PIEZO1: variants seen among roughly 807,000 people sequenced by gnomAD.
PIEZO1 encodes the protein piezo-type mechanosensitive ion channel component 1.
PIEZO1 carries 296 observed loss-of-function variants against 297.2 expected under a neutral mutation model. That is an observed-to-expected ratio of 1.00 (90% CI 0.91 to 1.10). The LOEUF (loss-of-function observed/expected upper bound fraction) is 1.10. PIEZO1 is among the 50% of genes least tolerant of loss of function. The pLI is 0.00. For missense variants in PIEZO1, 5,018 were observed against 3,455.5 expected, an observed-to-expected ratio of 1.45 and a Z score of -11.34; for synonymous variants, 2,427 against 1,507.5, an observed-to-expected ratio of 1.61 and a Z score of -14.13.
intron 5 of PIEZO1, chr16:88,740,184 A>G (rs890533837): frequency 2.6e-5 from 4 of 152,214 alleles, no homozygotes; most frequent in African/African-American, 7.2e-5. Flanking sequence ...TGTGTTGCCC[A>G]TATGTGGGAG....
chr16:88,769,900 T>C (rs1907344950), intron 1 of PIEZO1, among the ~76,000 whole-genome samples: 1 of 152,126 alleles, frequency 6.6e-6, no homozygotes, highest in African/African-American at 2.4e-5. Flanking sequence ...GGGCGGAGTG[T>C]GGTTAACAGA....
At chr16:88,746,668 A>G (rs1292521734) in intron 2 of PIEZO1, among the ~76,000 whole-genome samples, 1 of 152,124 alleles carries the variant, frequency 6.6e-6, no homozygotes, top group Non-Finnish European at 1.5e-5. Context: ...CCCTCCCGGA[A>G]AACTGGGCAG....
chr16:88,737,696 A>T (rs911568960), intron 9 of PIEZO1, 32 bp downstream of exon 9: 4 of 1,533,630 alleles, frequency 2.6e-6, no homozygotes, highest in African/African-American at 1.4e-5. Flanking sequence ...GGCGCCCCCC[A>T]CGCTGGCGTC....
intron 1 of PIEZO1, among the ~76,000 whole-genome samples, chr16:88,759,195 G>C (rs1368415699): frequency 6.6e-6 from 1 of 152,252 alleles, no homozygotes; most frequent in East Asian, 1.9e-4. Flanking sequence ...AAGCTGGGAA[G>C]GACATCAGTC....
intron 2 of PIEZO1, chr16:88,742,733 A>C: frequency 5.1e-6 from 2 of 394,244 alleles, no homozygotes; most frequent in South Asian, 2.4e-5. Flanking sequence ...CATCCAGCAA[A>C]TACCTGTCAC....
At chr16:88,776,620 C>T (rs370286854) in intron 1 of PIEZO1, among the ~76,000 whole-genome samples, 2 of 152,128 alleles carry the variant, frequency 1.3e-5, no homozygotes, top group Non-Finnish European at 2.9e-5. Context: ...GGCGAAGCCA[C>T]GGGAGGTTAG....
At chr16:88,780,441 C>A (rs9932423) in intron 1 of PIEZO1, among the ~76,000 whole-genome samples, 48,340 of 151,996 alleles carry the variant, frequency 0.32, 7,831 homozygotes, top group Admixed American at 0.39. Flanking sequence ...CTCAGGCCTC[C>A]AGGCAGGCTA....
intron 1 of PIEZO1, among the ~76,000 whole-genome samples, chr16:88,774,657 TGAA>T (rs1907577230): frequency 6.6e-6 from 1 of 152,018 alleles, no homozygotes; most frequent in Non-Finnish European, 1.5e-5. Flanking sequence ...GCTGGACCCA[TGAA>T]GAAGGGCCGA....
In PIEZO1 at chr16:88,721,340, CT is replaced by C. The variant is rs1377078852; in HGVS notation, c.5493del (p.Val1833CysfsTer88). On this transcript the variant is annotated frameshift_variant, in exon 39 of 51. Coordinates refer to ENST00000301015, the MANE Select transcript of PIEZO1 (RefSeq NM_001142864.4). LOFTEE classifies it high-confidence loss of function. Reference sequence around the variant, plus strand: ...TCTTCGGTGGTGGCCGCAGGCACCCCTGGCCCCTCCTCGGCTCCCTGCTCCT... The same window carrying C: ...TCTTCGGTGGTGGCCGCAGGCACCCCGGCCCCTCCTCGGCTCCCTGCTCCT... ...GEEEQGAEEG[P>X]GVPAATTEDH... 1.3e-6 allele frequency: 2 copies of C among 1,548,176 alleles called. No homozygotes were observed. Among genetic ancestry groups the C allele is most frequent in the South Asian group, 1.2e-5 (1 of 84,060 alleles).
intron 1 of PIEZO1, among the ~76,000 whole-genome samples, chr16:88,783,660 G>A (rs138402452): frequency 1.3e-5 from 2 of 152,308 alleles, no homozygotes; most frequent in African/African-American, 4.8e-5. Flanking sequence ...TGCACTGGGA[G>A]CAGGTCCCAG....
chr16:88,747,000 TC>T (rs1202922736), intron 2 of PIEZO1, among the ~76,000 whole-genome samples: 1 of 152,090 alleles, frequency 6.6e-6, no homozygotes, highest in Non-Finnish European at 1.5e-5. Flanking sequence ...CCCCAGCGAC[TC>T]CCAGCACTCG....
chr16:88,729,682 T>C (rs1904671991), intron 22 of PIEZO1, among the ~76,000 whole-genome samples: 1 of 140,972 alleles, frequency 7.1e-6, no homozygotes, highest in African/African-American at 2.8e-5. Context: ...CCCTCGATGC[T>C]GGGGAACCCA....
intron 1 of PIEZO1, among the ~76,000 whole-genome samples, chr16:88,774,370 G>A (rs1012222650): frequency 6.6e-6 from 1 of 152,228 alleles, no homozygotes. Flanking sequence ...CAGCTTGGGC[G>A]ACAGAGCGAG....
At chr16:88,731,121 T>G (rs1468825165) in intron 22 of PIEZO1, 1 of 156,086 alleles carries the variant, frequency 6.4e-6, no homozygotes, top group Non-Finnish European at 1.4e-5. Context: ...GCTACCGGCC[T>G]CCCTCCGGAA....
Position 88,715,973 on chromosome 16 carries a change from T to C in PIEZO1, c.7276A>G (p.Lys2426Glu), listed in dbSNP as rs573620875. 2 of 1,550,128 alleles carry C rather than the reference T, an allele frequency of 1.3e-6. No homozygotes were observed. The highest frequency in any genetic ancestry group is 1.4e-5 in the African/African-American group (1 of 73,142). ...AAGCCGAGGCTCGGTGGGCTGACCTTGTCACTGAAAATGACCATGGGCAGC... is the reference window on the plus strand; with the variant it reads ...AAGCCGAGGCTCGGTGGGCTGACCTCGTCACTGAAAATGACCATGGGCAGC... Reference protein sequence around the residue: ...NLLPMVIFSDKVSPPSLGFLA... With the variant: ...NLLPMVIFSDEVSPPSLGFLA... Residue 2426 changes from lysine (K) to glutamate (E), a missense_variant, in exon 50 of 51, where the codon AAG becomes GAG. Physicochemically the swap from Lys to Glu is moderately conservative, Grantham distance 56 (BLOSUM62 1). Transcript: ENST00000301015.
intron 44 of PIEZO1, chr16:88,718,335 T>C (rs996505712): frequency 3.3e-5 from 5 of 152,834 alleles, no homozygotes; most frequent in Non-Finnish European, 7.3e-5. Context: ...CAGCTCCTCA[T>C]GATGGAAACC....
rs148921440 is a variant in PIEZO1 at position 88,760,518 on chromosome 16, G to A, written c.65-11039C>T. On this transcript the variant is annotated intron_variant, in intron 1 of 50. Coordinates refer to ENST00000301015, the MANE Select transcript of PIEZO1 (RefSeq NM_001142864.4). ...CTTTGTCCAAAGGCAACAGTGGGAC[G>A]TGGCCACAGGGCAGGCAGCACCCAG... Among the ~76,000 whole-genome samples, 599 of 152,370 alleles carry A rather than the reference G, an allele frequency of 3.9e-3. 8 individuals are homozygous for A. The highest frequency in any genetic ancestry group is 0.014 in the African/African-American group (563 of 41,590).
At chr16:88,774,679 G>C (rs1907578023) in intron 1 of PIEZO1, among the ~76,000 whole-genome samples, 1 of 152,232 alleles carries the variant, frequency 6.6e-6, no homozygotes. Context: ...GACCAGACAA[G>C]GATGGGGCCC....
chr16:88,721,819 C>T lies in PIEZO1; in HGVS notation c.5203G>A (p.Val1735Ile), dbSNP rs1489558641. ...PSKRFWMTAI[V>I]FTEIAVVVKY... Reference sequence around the variant, plus strand: ...CGGCCTCGGCCCACCTCGGTGAAGACGATGGCCGTCATCCAGAAGCGCTTG... The same window carrying T: ...CGGCCTCGGCCCACCTCGGTGAAGATGATGGCCGTCATCCAGAAGCGCTTG... The change falls in exon 37 of 51, where the codon GTC becomes ATC. Residue 1735 changes from valine to isoleucine, a missense_variant. Coordinates refer to ENST00000301015, the MANE Select transcript of PIEZO1 (RefSeq NM_001142864.4). 1.0e-4 allele frequency: 160 copies of T among 1,546,042 alleles called. No homozygotes were observed. The highest frequency in any genetic ancestry group is 1.5e-4 in the African/African-American group (11 of 73,004).
Sources: allele counts gnomAD v4.1 joint callset (sites outside exome capture counted in the v4.1 genomes callset), GRCh38; gene constraint gnomAD v4.1.1; transcripts MANE v1.5; gene names NCBI Gene and HGNC (gene_info 2026-07-23, HGNC 2026-07-21).